The following HDAC9 variants were observed in gnomAD, a reference collection of about 807,000 sequenced individuals.
The protein encoded by HDAC9 is histone deacetylase 9, also known as MEF-2 interacting transcription repressor (MITR) protein.
In HDAC9, 41 loss-of-function variants were observed where a neutral mutation model predicts 139.4. The observed-to-expected ratio is 0.29, with a 90% CI of 0.23 to 0.38. The LOEUF is 0.38. HDAC9 is among the 10% of genes least tolerant of loss of function. The probability of loss-of-function intolerance (pLI) is 1.00; values close to 1 mark genes in which losing one functional copy is unlikely to be tolerated. For missense variants in HDAC9, 1,147 were observed against 1,297.0 expected (o/e 0.88, Z 1.78); for synonymous variants, 517 against 476.2 (o/e 1.09, Z -1.12).
chr7:18,564,320 C>T (rs1053289662), intron 2 of HDAC9, among the ~76,000 whole-genome samples: 1 of 151,978 alleles, frequency 6.6e-6, no homozygotes, highest in Non-Finnish European at 1.5e-5. Flanking sequence ...TAGTACTAAC[C>T]CAGTAAGAGC....
intron 2 of HDAC9, among the ~76,000 whole-genome samples, chr7:18,548,874 G>T (rs1396064328): frequency 3.3e-5 from 5 of 152,118 alleles, no homozygotes; most frequent in Admixed American, 3.3e-4. Flanking sequence ...AAATTGGAGC[G>T]CTCATACATT....
intron 6 of HDAC9, among the ~76,000 whole-genome samples, chr7:18,615,409 G>A (rs1584145885): frequency 6.6e-6 from 1 of 152,086 alleles, no homozygotes; most frequent in South Asian, 2.1e-4. Flanking sequence ...TCAAGTTTTG[G>A]AAATTGCTTT....
intron 2 of HDAC9, among the ~76,000 whole-genome samples, chr7:18,257,375 T>TGA (rs1273892102): frequency 2.1e-5 from 3 of 140,468 alleles, no homozygotes; most frequent in African/African-American, 8.4e-5. Flanking sequence ...TCTGACTCTC[T>TGA]CTCTCTCTCT....
chr7:18,389,930 T>C (rs1017073548), intron 1 of HDAC9, among the ~76,000 whole-genome samples: 1 of 152,124 alleles, frequency 6.6e-6, no homozygotes, highest in African/African-American at 2.4e-5. Context: ...GTTTTATATT[T>C]ATTTTGGCAT....
intron 22 of HDAC9, among the ~76,000 whole-genome samples, chr7:18,920,554 G>T (rs956740080): frequency 1.3e-5 from 2 of 152,104 alleles, no homozygotes; most frequent in African/African-American, 2.4e-5. Flanking sequence ...GTGAGAGAGG[G>T]CATCCCTGTC....
intron 1 of HDAC9, among the ~76,000 whole-genome samples, chr7:18,317,284 T>C (rs558248648): frequency 2.1e-4 from 32 of 152,170 alleles, no homozygotes; most frequent in Middle Eastern, 3.4e-3. Flanking sequence ...AAAGATGTGA[T>C]TGAGTAACTT....
intron 12 of HDAC9, among the ~76,000 whole-genome samples, chr7:18,708,795 T>C (rs1016209616): frequency 1.3e-5 from 2 of 152,126 alleles, no homozygotes; most frequent in Non-Finnish European, 1.5e-5. Context: ...CCAGCAAGTG[T>C]GGCTACTGGA....
intron 24 of HDAC9, among the ~76,000 whole-genome samples, chr7:18,957,833 T>C (rs1563086005): frequency 1.3e-5 from 2 of 152,142 alleles, no homozygotes; most frequent in Admixed American, 1.3e-4. Context: ...CAGCCCACCT[T>C]CTAGCCCAGG....
intron 1 of HDAC9, among the ~76,000 whole-genome samples, chr7:18,468,573 T>C (rs1165605152): frequency 6.6e-6 from 1 of 152,134 alleles, no homozygotes; most frequent in Non-Finnish European, 1.5e-5. Context: ...GTCTCCCTAG[T>C]GGCTAGACTA....
At chr7:18,162,292 T>C in exon 2 of HDAC9, 1 of 1,533,798 alleles carries the variant, frequency 6.5e-7, no homozygotes, top group Non-Finnish European at 8.7e-7. Flanking sequence ...GCTGTGAATC[T>C]GCATCCTAGT....
chr7:18,996,123 A>G lies in HDAC9; in HGVS notation c.*61A>G. 1.0e-5 allele frequency: 13 copies of G among 1,258,448 alleles called. No homozygotes were observed. The highest frequency in any genetic ancestry group is 1.4e-5 in the Non-Finnish European group (12 of 877,028). The allele number at this position is 1,258,448 out of a possible 1,614,324, so 78.0% of individuals were successfully genotyped here. A position where few individuals can be genotyped will look rare whatever the true frequency, so the allele number is the denominator to read the frequency against. On this transcript the variant is annotated 3_prime_UTR_variant, in exon 26 of 26. Coordinates refer to ENST00000686413, the MANE Select transcript of HDAC9 (RefSeq NM_178425.4). Reference sequence around the variant, plus strand: ...ACATCATTGTGTATCCCCCCACCCCAGTACCCTCAGACATGTCTTGTCTGC... The same window carrying G: ...ACATCATTGTGTATCCCCCCACCCCGGTACCCTCAGACATGTCTTGTCTGC...
At chr7:18,175,708 A>C (rs1033211558) in intron 2 of HDAC9, among the ~76,000 whole-genome samples, 1 of 151,882 alleles carries the variant, frequency 6.6e-6, no homozygotes, top group Non-Finnish European at 1.5e-5. Context: ...CTTTTAAAAA[A>C]TATTGTATTG....
intron 14 of HDAC9, among the ~76,000 whole-genome samples, chr7:18,755,888 G>C (rs1469452112): frequency 2.0e-5 from 3 of 152,140 alleles, no homozygotes; most frequent in African/African-American, 2.4e-5. Flanking sequence ...TTTGAAGATT[G>C]ATAATATTTT....
chr7:18,505,244 G>A (rs1003571984), intron 2 of HDAC9, among the ~76,000 whole-genome samples: 31 of 152,234 alleles, frequency 2.0e-4, no homozygotes, highest in African/African-American at 6.5e-4. Flanking sequence ...AGTTAGCCCC[G>A]CTTCAAAATA....
chr7:18,520,102 A>G (rs1804548253), intron 2 of HDAC9, among the ~76,000 whole-genome samples: 1 of 152,144 alleles, frequency 6.6e-6, no homozygotes, highest in Non-Finnish European at 1.5e-5. Context: ...GCTAGCATGA[A>G]AATCACAGTT....
intron 2 of HDAC9, among the ~76,000 whole-genome samples, chr7:18,248,433 A>C (rs980623700): frequency 6.6e-6 from 1 of 152,204 alleles, no homozygotes; most frequent in Non-Finnish European, 1.5e-5. Flanking sequence ...TTTTCTGGAA[A>C]AGTAGCTGTA....
chr7:18,166,689 G>A (rs1214645838), intron 2 of HDAC9, among the ~76,000 whole-genome samples: 2 of 152,132 alleles, frequency 1.3e-5, no homozygotes, highest in African/African-American at 4.8e-5. Flanking sequence ...TTTTTTAGAA[G>A]CATATGGGAC....
chr7:18,567,270 C>G (rs895830396), intron 2 of HDAC9, among the ~76,000 whole-genome samples: 6 of 152,024 alleles, frequency 3.9e-5, no homozygotes, highest in Admixed American at 1.3e-4. Context: ...GGTTCTATGG[C>G]TATACTTCTC....
At chr7:18,574,521 G>A (rs537126674) in intron 2 of HDAC9, among the ~76,000 whole-genome samples, 88 of 152,294 alleles carry the variant, frequency 5.8e-4, no homozygotes, top group African/African-American at 2.1e-3. Context: ...GCTGTCCCTG[G>A]CTTGAAGGTG....
Sources: allele counts gnomAD v4.1 joint callset (sites outside exome capture counted in the v4.1 genomes callset), GRCh38; gene constraint gnomAD v4.1.1; transcripts MANE v1.5; gene names NCBI Gene and HGNC (gene_info 2026-07-23, HGNC 2026-07-21).